The following SMYD3 variants were observed in gnomAD, a reference collection of about 807,000 sequenced individuals.
SMYD3 encodes SET and MYND domain containing 3, also known as histone-lysine N-methyltransferase SMYD3.
A neutral mutation model predicts 57.7 loss-of-function variants in SMYD3; 36 were observed. That is an observed-to-expected ratio of 0.62 (90% CI 0.48 to 0.82). SMYD3 has a LOEUF of 0.82. Among genes scored for constraint, SMYD3 ranks in the 40% least tolerant of loss-of-function variants. The pLI, the probability that SMYD3 is intolerant of heterozygous loss-of-function variation, is 0.00. For missense variants in SMYD3, 515 were observed against 538.8 expected, an observed-to-expected ratio of 0.96 and a Z score of 0.44; for synonymous variants, 211 against 195.0, an observed-to-expected ratio of 1.08 and a Z score of -0.68.
At chr1:246,457,064 T>C (rs1406386727) in intron 1 of SMYD3, among the ~76,000 whole-genome samples, 1 of 152,140 alleles carries the variant, frequency 6.6e-6, no homozygotes, top group Non-Finnish European at 1.5e-5. Context: ...ATCTCTTGAG[T>C]AGACTTTTTT....
chr1:246,255,274 T>G (rs907450126), intron 5 of SMYD3, among the ~76,000 whole-genome samples: 2 of 151,552 alleles, frequency 1.3e-5, no homozygotes, highest in East Asian at 3.9e-4. Context: ...TTGTCATAGA[T>G]GGATCTTATT....
At chr1:245,777,269 G>A (rs2046642273) in intron 10 of SMYD3, among the ~76,000 whole-genome samples, 1 of 152,120 alleles carries the variant, frequency 6.6e-6, no homozygotes, top group Non-Finnish European at 1.5e-5. Flanking sequence ...TATTCAAGCA[G>A]ACTCTGGTAA....
intron 1 of SMYD3, among the ~76,000 whole-genome samples, chr1:246,363,951 AAAAG>A (rs1333973691): frequency 6.6e-6 from 1 of 152,190 alleles, no homozygotes; most frequent in Non-Finnish European, 1.5e-5. Context: ...GAAAAAGAAA[AAAAG>A]AGAGAGAGGC....
intron 10 of SMYD3, among the ~76,000 whole-genome samples, chr1:245,769,154 G>A (rs1397587777): frequency 6.6e-6 from 1 of 152,126 alleles, no homozygotes; most frequent in African/African-American, 2.4e-5. Context: ...TGGACTGAGG[G>A]GAGAAAATAT....
chr1:246,058,751 A>G (rs2148346851), intron 5 of SMYD3, among the ~76,000 whole-genome samples: 1 of 152,334 alleles, frequency 6.6e-6, no homozygotes, highest in South Asian at 2.1e-4. Flanking sequence ...TTATTGAGGA[A>G]ACAATAAAAA....
At chr1:246,101,031 T>C (rs1190179712) in intron 5 of SMYD3, among the ~76,000 whole-genome samples, 1 of 149,488 alleles carries the variant, frequency 6.7e-6, no homozygotes, top group Non-Finnish European at 1.5e-5. Flanking sequence ...CTTGTTTAAA[T>C]GAATACATCA....
At chr1:246,303,551 A>G (rs576250051) in intron 5 of SMYD3, among the ~76,000 whole-genome samples, 2 of 152,204 alleles carry the variant, frequency 1.3e-5, no homozygotes, top group African/African-American at 4.8e-5. Flanking sequence ...TTTAAATTTT[A>G]TATTATTTTT....
In SMYD3 at chr1:245,819,114, C is replaced by T. The variant is rs1044931328; in HGVS notation, c.1076+39382G>A. Among the ~76,000 whole-genome samples, 389 of 142,994 alleles carry T rather than the reference C, an allele frequency of 2.7e-3. 4 individuals carry two copies. Among genetic ancestry groups the T allele is most frequent in the African/African-American group, 0.01 (376 of 37,378 alleles). The allele number at this position is 142,994 out of a possible 152,430, so 93.8% of individuals were successfully genotyped here. ...ACATTTTTTTCAGCACCACACCACA[C>T]CTATTCCAAAATTGATCACATAGTT... On this transcript the variant is annotated intron_variant, in intron 10 of 11. Coordinates refer to ENST00000490107, the MANE Select transcript of SMYD3 (RefSeq NM_001167740.2).
At chr1:246,436,041 T>C (rs897917646) in intron 1 of SMYD3, among the ~76,000 whole-genome samples, 27 of 152,138 alleles carry the variant, frequency 1.8e-4, no homozygotes, top group Non-Finnish European at 3.4e-4. Flanking sequence ...GGGTTGGAAA[T>C]AGGTGGCAAG....
At chr1:245,824,073 T>C (rs12034157) in intron 10 of SMYD3, among the ~76,000 whole-genome samples, 29,685 of 152,130 alleles carry the variant, frequency 0.2, 3,387 homozygotes, top group East Asian at 0.37. Context: ...TGGAGAGTTG[T>C]GGCTTCTGCC....
At chr1:246,089,997 G>GT (rs1186764449) in intron 5 of SMYD3, among the ~76,000 whole-genome samples, 9 of 151,964 alleles carry the variant, frequency 5.9e-5, no homozygotes, top group African/African-American at 2.2e-4. Flanking sequence ...GAAGAATCCA[G>GT]TCAGTTTTTC....
chr1:246,182,991 T>C (rs1183175850), intron 5 of SMYD3, among the ~76,000 whole-genome samples: 1 of 152,194 alleles, frequency 6.6e-6, no homozygotes, highest in Non-Finnish European at 1.5e-5. Flanking sequence ...TTGCTAAATT[T>C]CTCCACACCC....
intron 10 of SMYD3, among the ~76,000 whole-genome samples, chr1:245,842,680 G>A (rs996727174): frequency 4.6e-5 from 7 of 152,114 alleles, no homozygotes; most frequent in African/African-American, 1.7e-4. Context: ...ATCTCCACTG[G>A]TGAAAAGTTC....
At chr1:246,264,946 T>A (rs1461925055) in intron 5 of SMYD3, among the ~76,000 whole-genome samples, 1 of 152,240 alleles carries the variant, frequency 6.6e-6, no homozygotes, top group Non-Finnish European at 1.5e-5. Flanking sequence ...TGAACAAATT[T>A]AGTTTCCAAC....
chr1:245,822,402 TA>T (rs2049214934), intron 10 of SMYD3, among the ~76,000 whole-genome samples: 1 of 59,176 alleles, frequency 1.7e-5, no homozygotes, highest in Non-Finnish European at 3.1e-5. Flanking sequence ...TGTTGTGGGG[TA>T]GGGGGAGGGG....
rs548148898 is a variant in SMYD3, at chr1:245,762,403, G to A, written c.1185+1638C>T. On this transcript the variant is annotated intron_variant, in intron 11 of 11. Coordinates refer to ENST00000490107, the MANE Select transcript of SMYD3 (RefSeq NM_001167740.2). ...CAGGTGACCCTGTGTTGGGTGCATC[G>A]CACATTAGGAAATTTCCTGCACGTT... 2.0e-4 allele frequency among the ~76,000 whole-genome samples: 30 copies of A among 152,278 alleles called. 1 individual carries two copies. The South Asian group carries it at 3.7e-3, about 19-fold the overall frequency.
At chr1:246,490,611 A>G (rs973026325) in intron 1 of SMYD3, among the ~76,000 whole-genome samples, 3 of 152,158 alleles carry the variant, frequency 2.0e-5, no homozygotes, top group African/African-American at 4.8e-5. Flanking sequence ...AATGGCTCAC[A>G]CCTATACTCC....
chr1:246,033,228 T>A (rs2059710634), intron 5 of SMYD3, among the ~76,000 whole-genome samples: 2 of 151,566 alleles, frequency 1.3e-5, no homozygotes, highest in African/African-American at 4.9e-5. Context: ...AAAAAAAAAC[T>A]AGGGATAAGG....
chr1:245,946,250 C>T (rs2057424844), intron 5 of SMYD3, among the ~76,000 whole-genome samples: 1 of 152,140 alleles, frequency 6.6e-6, no homozygotes, highest in Non-Finnish European at 1.5e-5. Flanking sequence ...AGAATCTGAA[C>T]AGGAGAGGAG....
Sources: gnomAD v4.1 joint callset for allele counts (sites outside exome capture counted in the v4.1 genomes callset) on GRCh38, gnomAD v4.1.1 for gene constraint, MANE v1.5 for transcripts, NCBI Gene and HGNC (gene_info 2026-07-23, HGNC 2026-07-21) for gene names.